The following SND1 variants were observed in gnomAD, a reference collection of about 807,000 sequenced individuals.
SND1 encodes staphylococcal nuclease and tudor domain containing 1, also known as staphylococcal nuclease domain-containing protein 1.
In SND1, 38 loss-of-function variants were observed where a neutral mutation model predicts 121.7. The ratio of observed to expected loss-of-function variants is 0.31; its 90% confidence interval spans 0.24 to 0.41. The LOEUF is 0.41. Among genes scored for constraint, SND1 ranks in the 10% least tolerant of loss-of-function variants. SND1 has a pLI of 1.00. For missense variants in SND1, 868 were observed against 1,184.6 expected, an observed-to-expected ratio of 0.73 and a Z score of 3.92; for synonymous variants, 401 against 447.4, an observed-to-expected ratio of 0.90 and a Z score of 1.31.
chr7:128,081,820 T>C (rs373211383), intron 18 of SND1: 5 of 572,418 alleles, frequency 8.7e-6, no homozygotes, highest in Non-Finnish European at 1.4e-5. Context: ...GATTGTTTGT[T>C]CCTACATACC....
At chr7:127,697,596 T>C (rs1006730905) in intron 3 of SND1, among the ~76,000 whole-genome samples, 7 of 152,202 alleles carry the variant, frequency 4.6e-5, no homozygotes, top group Non-Finnish European at 1.5e-5. Context: ...AATTTACTAA[T>C]GTGTCTTTGG....
At chr7:127,868,258 G>A (rs1231279665) in intron 12 of SND1, among the ~76,000 whole-genome samples, 2 of 152,118 alleles carry the variant, frequency 1.3e-5, no homozygotes, top group African/African-American at 4.8e-5. Flanking sequence ...AGCAGCATGC[G>A]CCTATAGTCC....
At chr7:127,673,834 C>T (rs780898779) in intron 1 of SND1, among the ~76,000 whole-genome samples, 6 of 152,050 alleles carry the variant, frequency 3.9e-5, no homozygotes, top group Non-Finnish European at 8.8e-5. Context: ...GTTCTTATGT[C>T]GTTTTGTTAT....
At chr7:128,002,815 C>T (rs1252546253) in intron 16 of SND1, among the ~76,000 whole-genome samples, 1 of 152,174 alleles carries the variant, frequency 6.6e-6, no homozygotes, top group Non-Finnish European at 1.5e-5. Context: ...CCATACTTTC[C>T]TACCATGACC....
chr7:127,703,668 C>G (rs940353109), intron 7 of SND1, among the ~76,000 whole-genome samples: 19 of 152,120 alleles, frequency 1.2e-4, no homozygotes, highest in African/African-American at 4.6e-4. Context: ...GCCGAGATTG[C>G]ACCACTGCAC....
rs552571302 is a variant in SND1, at chr7:127,805,101, A to G, written c.1153-2383A>G. 5.3e-5 allele frequency among the ~76,000 whole-genome samples: 8 copies of G among 152,266 alleles called. No individual in the cohort carries two copies. In the East Asian group the frequency reaches 1.5e-3, roughly 29 times the overall value. On this transcript the variant is annotated intron_variant, in intron 10 of 23. Coordinates refer to ENST00000354725, the MANE Select transcript of SND1 (RefSeq NM_014390.4). ...TATGTTACACTTGGCTCCTTAAGAG[A>G]TCTCTGATTTGTAATCTATTTTTAT...
intron 16 of SND1, among the ~76,000 whole-genome samples, chr7:128,023,250 C>A (rs1470875886): frequency 6.6e-6 from 1 of 152,148 alleles, no homozygotes; most frequent in Non-Finnish European, 1.5e-5. Flanking sequence ...TGCTCGGAAG[C>A]CCCACCGGCC....
At chr7:127,839,432 T>G (rs1798924942) in intron 11 of SND1, among the ~76,000 whole-genome samples, 2 of 152,156 alleles carry the variant, frequency 1.3e-5, no homozygotes, top group Non-Finnish European at 2.9e-5. Context: ...TCTGCAGTTG[T>G]TTTCCTTCCT....
chr7:127,805,084 A>G (rs1459517750), intron 10 of SND1, among the ~76,000 whole-genome samples: 1 of 152,132 alleles, frequency 6.6e-6, no homozygotes, highest in Non-Finnish European at 1.5e-5. Context: ...CTTATGTTAC[A>G]CTTGGCTCCT....
chr7:128,062,722 C>T (rs149902404), intron 16 of SND1, among the ~76,000 whole-genome samples: 1 of 152,182 alleles, frequency 6.6e-6, no homozygotes, highest in Non-Finnish European at 1.5e-5. Flanking sequence ...TCCACGTCCC[C>T]TTCCCACCCT....
intron 1 of SND1, among the ~76,000 whole-genome samples, chr7:127,685,072 A>G (rs752661812): frequency 2.0e-5 from 3 of 152,158 alleles, no homozygotes; most frequent in Non-Finnish European, 2.9e-5. Context: ...GGGCACATGG[A>G]TTCCAAGGTT....
At chr7:128,020,080 A>G (rs1803310934) in intron 16 of SND1, among the ~76,000 whole-genome samples, 1 of 152,214 alleles carries the variant, frequency 6.6e-6, no homozygotes, top group African/African-American at 2.4e-5. Flanking sequence ...TTGTAGAGAG[A>G]AGGGGAAGGC....
chr7:127,944,510 G>A (rs1458266784), intron 15 of SND1, among the ~76,000 whole-genome samples: 7 of 152,180 alleles, frequency 4.6e-5, no homozygotes, highest in Admixed American at 3.9e-4. Flanking sequence ...GGGGTGAGTG[G>A]CCTGCCTCTA....
chr7:127,701,092 C>A, intron 4 of SND1, 71 bp from the exon 5 acceptor site: 2 of 1,539,246 alleles, frequency 1.3e-6, no homozygotes, highest in Non-Finnish European at 1.8e-6. Context: ...CTGAAGAAAA[C>A]CTATATCAGA....
chr7:127,712,866 A>G (rs942429710), intron 9 of SND1, among the ~76,000 whole-genome samples: 1 of 152,242 alleles, frequency 6.6e-6, no homozygotes, highest in Non-Finnish European at 1.5e-5. Context: ...AGGCTGCAAC[A>G]TAATATTTTT....
intron 10 of SND1, among the ~76,000 whole-genome samples, chr7:127,746,626 T>TTATTTCATTGGGAGA (rs1796987823): frequency 6.6e-6 from 1 of 152,244 alleles, no homozygotes; most frequent in Non-Finnish European, 1.5e-5. Flanking sequence ...TTTCTGTGCC[T>TTATTTCATTGGGAGA]TATTTCATTG....
At chr7:127,807,415 A>T in intron 10 of SND1, 69 bp from the exon 11 acceptor site, 1 of 1,208,066 alleles carries the variant, frequency 8.3e-7, no homozygotes, top group Non-Finnish European at 1.2e-6. Context: ...ACATTCCTAT[A>T]TCTTGTGCTG....
chr7:127,782,740 G>A (rs1797745020), intron 10 of SND1, among the ~76,000 whole-genome samples: 1 of 152,184 alleles, frequency 6.6e-6, no homozygotes, highest in Non-Finnish European at 1.5e-5. Flanking sequence ...TGTGGGTTGG[G>A]CACACTGGAG....
At chr7:128,046,634 G>T (rs1584760183) in intron 16 of SND1, among the ~76,000 whole-genome samples, 1 of 151,972 alleles carries the variant, frequency 6.6e-6, no homozygotes, top group Non-Finnish European at 1.5e-5. Flanking sequence ...AAAGTGCTGG[G>T]ATTACAGACG....
Sources: allele counts gnomAD v4.1 joint callset (sites outside exome capture counted in the v4.1 genomes callset), GRCh38; gene constraint gnomAD v4.1.1; transcripts MANE v1.5; gene names NCBI Gene and HGNC (gene_info 2026-07-23, HGNC 2026-07-21).